Variants in CSNK1G1 observed in about 807,000 individuals in gnomAD.
The protein encoded by CSNK1G1 is casein kinase I isoform gamma-1.
CSNK1G1 carries 22 observed loss-of-function variants against 59.6 expected under a neutral mutation model. That is an observed-to-expected ratio of 0.37 (90% CI 0.26 to 0.53). The LOEUF (loss-of-function observed/expected upper bound fraction) is 0.53, where lower values mean the gene tolerates loss of function less well. Ranked by LOEUF, CSNK1G1 falls within the 20% of genes least tolerant of loss-of-function variation. CSNK1G1 has a pLI of 0.89. For missense variants in CSNK1G1, 384 were observed against 519.5 expected, an observed-to-expected ratio of 0.74 and a Z score of 2.54; for synonymous variants, 179 against 177.1, an observed-to-expected ratio of 1.01 and a Z score of -0.08.
rs564156744 is a variant in CSNK1G1, at chr15:64,253,902, G to A, written c.223-2321C>T. On this transcript the variant is annotated intron_variant, in intron 3 of 11. Coordinates refer to ENST00000303052, the MANE Select transcript of CSNK1G1 (RefSeq NM_022048.5). ...CGCCTGTAATCCTAGCACTTTGGGA[G>A]GCTGAGGCGGGTGGATTGCCTGAGC... Among the ~76,000 whole-genome samples the A allele has an allele frequency of 5.3e-5, 8 of 152,276 alleles. 1 individual carries two copies. Among genetic ancestry groups the A allele is most frequent in the African/African-American group, 1.7e-4 (7 of 41,542 alleles).
At chr15:64,337,510 T>C (rs1164158199) in intron 1 of CSNK1G1, among the ~76,000 whole-genome samples, 1 of 152,122 alleles carries the variant, frequency 6.6e-6, no homozygotes, top group Non-Finnish European at 1.5e-5. Context: ...ATGCCTATTT[T>C]ATTTTTTGTA....
intron 1 of CSNK1G1, among the ~76,000 whole-genome samples, chr15:64,338,714 A>AAC (rs1555404961): frequency 7.3e-6 from 1 of 136,982 alleles, no homozygotes; most frequent in African/African-American, 2.7e-5. Flanking sequence ...AAAAAAAAAA[A>AAC]AAAAAAAAAA....
chr15:64,259,049 C>T, intron 3 of CSNK1G1, 152 bp downstream of exon 3: 1 of 605,954 alleles, frequency 1.7e-6, no homozygotes. Flanking sequence ...TCACTGTTAA[C>T]ACTATAAATG....
Position 64,200,765 on chromosome 15 carries a change from G to A in CSNK1G1, c.1107+2317C>T, listed in dbSNP as rs140522472. Among the ~76,000 whole-genome samples, 1,048 of 152,054 alleles carry A rather than the reference G, an allele frequency of 6.9e-3. 17 individuals carry two copies. Among genetic ancestry groups the A allele is most frequent in the African/African-American group, 0.024 (1,003 of 41,454 alleles). Reference sequence around the variant, plus strand: ...TTGATTCTGCTTATTTCCCCATCCCGTCCAGCTCACTTTACTATAACCCAG... The same window carrying A: ...TTGATTCTGCTTATTTCCCCATCCCATCCAGCTCACTTTACTATAACCCAG... On this transcript the variant is annotated intron_variant, in intron 10 of 11. Transcript: ENST00000303052. This position sits in a 1 kb window ranked among gnomAD's most constrained non-coding sequence, Gnocchi z 4.3.
chr15:64,280,047 T>C (rs1426434310), intron 2 of CSNK1G1, among the ~76,000 whole-genome samples: 1 of 151,642 alleles, frequency 6.6e-6, no homozygotes. Flanking sequence ...GGTATATTCA[T>C]ACACTGGATG....
intron 2 of CSNK1G1, among the ~76,000 whole-genome samples, chr15:64,273,459 C>T (rs1391985978): frequency 6.6e-6 from 1 of 152,078 alleles, no homozygotes; most frequent in African/African-American, 2.4e-5. Context: ...ATTTTGTAAA[C>T]TGCAAGGTGC....
At chr15:64,321,862 A>G (rs1317889904) in intron 1 of CSNK1G1, among the ~76,000 whole-genome samples, 1 of 152,232 alleles carries the variant, frequency 6.6e-6, no homozygotes, top group African/African-American at 2.4e-5. Flanking sequence ...TACAGTTATG[A>G]TTTGGGACAT....
chr15:64,230,705 G>T (rs1359273648), intron 4 of CSNK1G1, among the ~76,000 whole-genome samples: 2 of 152,224 alleles, frequency 1.3e-5, no homozygotes, highest in African/African-American at 4.8e-5. Context: ...GGGTGCAGTG[G>T]CTCACGCCTG....
At chr15:64,218,924 G>C (rs1236583421) in intron 4 of CSNK1G1, among the ~76,000 whole-genome samples, 1 of 141,524 alleles carries the variant, frequency 7.1e-6, no homozygotes, top group Non-Finnish European at 1.5e-5. Context: ...GCGCCATCTC[G>C]ACTCACTGCA....
At chr15:64,240,980 G>C (rs181612769) in intron 4 of CSNK1G1, among the ~76,000 whole-genome samples, 1 of 152,224 alleles carries the variant, frequency 6.6e-6, no homozygotes, top group East Asian at 1.9e-4. Context: ...AAAGCAACCA[G>C]AAAAAGATTA....
At chr15:64,338,945 A>G (rs953973657) in intron 1 of CSNK1G1, among the ~76,000 whole-genome samples, 5 of 151,816 alleles carry the variant, frequency 3.3e-5, no homozygotes, top group Non-Finnish European at 2.9e-5. Context: ...TGGACCCAGG[A>G]GGTGGAGATA....
chr15:64,195,546 T>C lies in CSNK1G1; in HGVS notation c.1107+7536A>G, dbSNP rs145990330. ...AATGCAACAGTCTACATTTACTGTG[T>C]TGAACAAGCACACTGAATAAAACCT... is the stretch of plus-strand genomic sequence containing the variant. On this transcript the variant is annotated intron_variant, in intron 10 of 11. Coordinates refer to ENST00000303052, the MANE Select transcript of CSNK1G1 (RefSeq NM_022048.5). 3.9e-5 allele frequency among the ~76,000 whole-genome samples: 6 copies of C among 152,350 alleles called. No individual in the cohort carries two copies. The East Asian group carries it at 1.2e-3, about 29-fold the overall frequency.
In CSNK1G1 at chr15:64,171,887, T is replaced by C. The variant is rs758988209; in HGVS notation, c.*44A>G. 2 of 1,518,350 alleles carry C rather than the reference T, an allele frequency of 1.3e-6. No individual in the cohort carries two copies. The highest frequency in any genetic ancestry group is 4.5e-5 in the East Asian group (2 of 44,434). The allele number at this position is 1,518,350 out of a possible 1,614,324, so 94.1% of individuals were successfully genotyped here. ...AAATGGCAGGAGCTGCAGGTACAAT[T>C]GAGTCAGAGTCCCCAGGGCCTGAGG... On this transcript the variant is annotated 3_prime_UTR_variant, in exon 12 of 12. Coordinates refer to ENST00000303052, the MANE Select transcript of CSNK1G1 (RefSeq NM_022048.5). The surrounding 1 kb of genome is among the most constrained non-coding windows in gnomAD (Gnocchi z 4.8).
At chr15:64,212,224 C>A (rs1461682748) in intron 6 of CSNK1G1, among the ~76,000 whole-genome samples, 1 of 152,196 alleles carries the variant, frequency 6.6e-6, no homozygotes, top group African/African-American at 2.4e-5. Flanking sequence ...TAAAGTATTA[C>A]ATTTACTTAA....
rs2081658722 is a variant in CSNK1G1, at chr15:64,171,097, AG to A, written c.*833del. 1 of 150,668 alleles carries A rather than the reference AG, an allele frequency of 6.6e-6. No individual in the cohort carries two copies. Among genetic ancestry groups the A allele is most frequent in the Admixed American group, 6.6e-5 (1 of 15,072 alleles). The allele number at this position is 150,668 out of a possible 1,614,324, so 9.3% of individuals were successfully genotyped here. On this transcript the variant is annotated 3_prime_UTR_variant, in exon 12 of 12. Transcript: ENST00000303052. The surrounding 1 kb of genome is among the most constrained non-coding windows in gnomAD (Gnocchi z 4.8). ...TGGCCGGCCCCATCCCCCTCAAAAC[AG>A]GTAAAAGTAAAACCCCCAATATAAC...
intron 6 of CSNK1G1, among the ~76,000 whole-genome samples, chr15:64,208,330 C>A (rs747646891): frequency 2.2e-4 from 34 of 152,048 alleles, no homozygotes; most frequent in Non-Finnish European, 4.0e-4. Context: ...AGACCTCATC[C>A]CAAAACAAAA....
At chr15:64,321,663 T>C (rs1199876864) in intron 1 of CSNK1G1, among the ~76,000 whole-genome samples, 1 of 152,226 alleles carries the variant, frequency 6.6e-6, no homozygotes, top group African/African-American at 2.4e-5. Flanking sequence ...TTGGCTAATA[T>C]GAAGACAGCT....
At chr15:64,285,522 A>C (rs963247948) in intron 2 of CSNK1G1, among the ~76,000 whole-genome samples, 14 of 152,208 alleles carry the variant, frequency 9.2e-5, no homozygotes, top group African/African-American at 3.4e-4. Flanking sequence ...GAAGACTAAC[A>C]AGTATAAAAA....
At chr15:64,278,378 G>A (rs556997970) in intron 2 of CSNK1G1, among the ~76,000 whole-genome samples, 2 of 28,212 alleles carry the variant, frequency 7.1e-5, no homozygotes, top group African/African-American at 2.8e-4. Flanking sequence ...ATGTATGTGC[G>A]TGTGTGTGTG....
Sources: gnomAD v4.1 joint callset for allele counts (sites outside exome capture counted in the v4.1 genomes callset) on GRCh38, gnomAD v4.1.1 for gene constraint, Gnocchi (gnomAD v3.1) non-coding constraint, MANE v1.5 for transcripts, NCBI Gene and HGNC (gene_info 2026-07-23, HGNC 2026-07-21) for gene names.